The following MBOAT2 variants were observed in gnomAD, a reference collection of about 807,000 sequenced individuals.
MBOAT2 encodes the protein membrane-bound glycerophospholipid O-acyltransferase 2.
MBOAT2 carries 28 observed loss-of-function variants against 63.4 expected under a neutral mutation model. The ratio of observed to expected loss-of-function variants is 0.44; its 90% CI spans 0.33 to 0.61. MBOAT2 has a LOEUF of 0.61. MBOAT2 is among the 20% of genes least tolerant of loss of function. MBOAT2 has a pLI of 0.03. For synonymous variants in MBOAT2, 211 were observed against 215.6 expected (o/e 0.98, Z 0.19); for missense variants, 470 against 605.8 (o/e 0.78, Z 2.35).
rs1483014258 is a variant in MBOAT2 at position 8,978,378 on chromosome 2, CCCCATGTTA to C, written c.76-19745_76-19737del. On this transcript the variant is annotated intron_variant, in intron 1 of 12. Coordinates refer to ENST00000305997, the MANE Select transcript of MBOAT2 (RefSeq NM_138799.4). ...AGCATCCCCAATCACTTGTCATGGA[CCCCATGTTA>C]CTGACTTTATGGTATTTTTCATTAT... 2.0e-5 allele frequency among the ~76,000 whole-genome samples: 3 copies of C among 152,236 alleles called. No homozygotes were observed. In the East Asian group the frequency reaches 5.8e-4, roughly 29 times the overall value.
At chr2:8,931,025 G>A (rs759000056) in intron 3 of MBOAT2, among the ~76,000 whole-genome samples, 2 of 151,832 alleles carry the variant, frequency 1.3e-5, no homozygotes, top group African/African-American at 2.4e-5. Context: ...AATCTTTGGC[G>A]TGGCTAAGGC....
At chr2:8,909,573 ACC>A (rs1403541507) in intron 3 of MBOAT2, among the ~76,000 whole-genome samples, 1 of 152,222 alleles carries the variant, frequency 6.6e-6, no homozygotes, top group Non-Finnish European at 1.5e-5. Context: ...GGAGAAAAAA[ACC>A]TTTAACTAAA....
intron 4 of MBOAT2, among the ~76,000 whole-genome samples, chr2:8,892,234 TCTA>T (rs1250683685): frequency 3.3e-5 from 5 of 152,208 alleles, no homozygotes; most frequent in African/African-American, 7.2e-5. Context: ...ACTAAAAGCA[TCTA>T]CTAGGTAACA....
chr2:8,872,220 AT>A (rs1662376746), intron 8 of MBOAT2, among the ~76,000 whole-genome samples: 1 of 152,104 alleles, frequency 6.6e-6, no homozygotes, highest in South Asian at 2.1e-4. Flanking sequence ...AAAACTAGCC[AT>A]TTTCCACTTG....
At chr2:8,940,683 CATGT>C (rs777277554) in intron 3 of MBOAT2, among the ~76,000 whole-genome samples, 1 of 152,152 alleles carries the variant, frequency 6.6e-6, no homozygotes, top group African/African-American at 2.4e-5. Flanking sequence ...AGTGTGTATA[CATGT>C]GTGTGTGTGT....
rs938665533 is a variant in MBOAT2 at position 8,914,934 on chromosome 2, CTTTTTT to C, written c.300-6224_300-6219del. Among the ~76,000 whole-genome samples the C allele has an allele frequency of 1.2e-4, 7 of 60,242 alleles. No homozygotes were observed. The South Asian group carries it at 2.4e-3, about 20-fold the overall frequency. 39.5% of individuals were successfully genotyped at this position (60,242 alleles called of 152,430 possible). ...TTTAAACTGTGACTACTGGAAATTTCTTTTTTTTTTTTTTTTTTTTTTTTGAGATGG... is the reference window on the plus strand; with the variant it reads ...TTTAAACTGTGACTACTGGAAATTTCTTTTTTTTTTTTTTTTTTGAGATGG... On this transcript the variant is annotated intron_variant, in intron 3 of 12. Transcript: ENST00000305997.
intron 1 of MBOAT2, among the ~76,000 whole-genome samples, chr2:8,961,883 TCC>T: frequency 6.6e-6 from 1 of 152,106 alleles, no homozygotes; most frequent in South Asian, 2.1e-4. Context: ...ACTTCACTTC[TCC>T]ACAGCCAGGC....
intron 10 of MBOAT2, among the ~76,000 whole-genome samples, chr2:8,863,617 C>T (rs1266118978): frequency 6.6e-6 from 1 of 152,176 alleles, no homozygotes; most frequent in East Asian, 1.9e-4. Flanking sequence ...GCTGTTCCTG[C>T]TTTCTCTCTC....
intron 1 of MBOAT2, among the ~76,000 whole-genome samples, chr2:8,964,195 C>G (rs564937959): frequency 1.2e-4 from 19 of 152,342 alleles, no homozygotes; most frequent in African/African-American, 4.6e-4. Flanking sequence ...AACTACCAGC[C>G]TTAAGTTTGC....
chr2:8,922,558 A>T (rs1051176044), intron 3 of MBOAT2, among the ~76,000 whole-genome samples: 9 of 152,142 alleles, frequency 5.9e-5, no homozygotes, highest in Admixed American at 2.6e-4. Context: ...TCAGTTTTTT[A>T]AAGCCTCAGT....
Position 8,953,410 on chromosome 2 carries a change from ATGCCT to A in MBOAT2, c.221+5082_221+5086del, listed in dbSNP as rs1036848116. Among the ~76,000 whole-genome samples the A allele has an allele frequency of 5.4e-4, 82 of 152,186 alleles. 1 individual carries two copies. Among genetic ancestry groups the A allele is most frequent in the African/African-American group, 1.8e-3 (73 of 41,450 alleles). ...TGACCTTGGACAGTCTGGTGACTATATGCCTTGCTGATAATCATTTTGTATACTAT... is the reference window on the plus strand; with the variant it reads ...TGACCTTGGACAGTCTGGTGACTATATGCTGATAATCATTTTGTATACTAT... On this transcript the variant is annotated intron_variant, in intron 2 of 12. Coordinates refer to ENST00000305997, the MANE Select transcript of MBOAT2 (RefSeq NM_138799.4).
At chr2:8,916,317 A>G (rs1666171667) in intron 3 of MBOAT2, among the ~76,000 whole-genome samples, 1 of 152,206 alleles carries the variant, frequency 6.6e-6, no homozygotes, top group African/African-American at 2.4e-5. Context: ...TCACAGCCAA[A>G]AGAATTCAGA....
At position 8,858,520 on chromosome 2, in the gene MBOAT2, A is replaced by C; in HGVS notation, c.*159T>G. 1 of 583,182 alleles carries C rather than the reference A, an allele frequency of 1.7e-6. No homozygotes were observed. Among genetic ancestry groups the C allele is most frequent in the Non-Finnish European group, 3.0e-6 (1 of 334,346 alleles). The allele number at this position is 583,182 out of a possible 1,614,324, so 36.1% of individuals were successfully genotyped here. A position where few individuals can be genotyped will look rare whatever the true frequency, so the allele number is the denominator to read the frequency against. On this transcript the variant is annotated 3_prime_UTR_variant, in exon 13 of 13. Transcript: ENST00000305997. ...GACATGGCATGGGAGGGCTTGTTTCACTCCATTTCCAATCTGGTGTACAGG... is the reference window on the plus strand; with the variant it reads ...GACATGGCATGGGAGGGCTTGTTTCCCTCCATTTCCAATCTGGTGTACAGG...
chr2:8,995,078 G>T (rs1672183712), intron 1 of MBOAT2, among the ~76,000 whole-genome samples: 1 of 152,150 alleles, frequency 6.6e-6, no homozygotes, highest in Admixed American at 6.5e-5. Context: ...CCTTCTGAGG[G>T]TCCAAGCCTA....
intron 4 of MBOAT2, among the ~76,000 whole-genome samples, chr2:8,892,610 T>C (rs535977194): frequency 3.3e-5 from 5 of 152,140 alleles, no homozygotes; most frequent in Admixed American, 2.6e-4. Context: ...TATAAACAAA[T>C]AAACAGGTAA....
intron 1 of MBOAT2, among the ~76,000 whole-genome samples, chr2:8,997,731 T>C (rs1460082260): frequency 1.3e-5 from 2 of 152,224 alleles, no homozygotes; most frequent in African/African-American, 4.8e-5. Flanking sequence ...ATTATTATCC[T>C]TATTTTACAG....
chr2:8,950,336 C>T (rs924774915), intron 2 of MBOAT2, among the ~76,000 whole-genome samples: 1 of 152,170 alleles, frequency 6.6e-6, no homozygotes, highest in Non-Finnish European at 1.5e-5. Flanking sequence ...ATTGCTGTGG[C>T]TAGCACTTCC....
intron 5 of MBOAT2, among the ~76,000 whole-genome samples, chr2:8,884,368 G>A (rs944422131): frequency 3.3e-5 from 5 of 150,266 alleles, no homozygotes; most frequent in African/African-American, 1.2e-4. Flanking sequence ...AAAGATGATC[G>A]AAGATTAGAG....
intron 3 of MBOAT2, among the ~76,000 whole-genome samples, chr2:8,927,550 C>G (rs1270771038): frequency 1.3e-5 from 2 of 152,150 alleles, no homozygotes; most frequent in East Asian, 3.9e-4. Context: ...CACCGGGCAG[C>G]CCAAGTACAA....
Sources: allele counts gnomAD v4.1 joint callset (sites outside exome capture counted in the v4.1 genomes callset), GRCh38; gene constraint gnomAD v4.1.1; transcripts MANE v1.5; gene names NCBI Gene and HGNC (gene_info 2026-07-23, HGNC 2026-07-21).